The following MOB3B variants were observed in gnomAD, a reference collection of about 807,000 sequenced individuals.
MOB3B encodes MOB kinase activator 3B.
MOB3B carries 7 observed loss-of-function variants against 18.7 expected under a neutral mutation model. The ratio of observed to expected loss-of-function variants is 0.37; its 90% CI spans 0.21 to 0.70. The LOEUF (loss-of-function observed/expected upper bound fraction) is 0.70, where lower values mean the gene tolerates loss of function less well. Among genes scored for constraint, MOB3B ranks in the 30% least tolerant of loss-of-function variants. The probability of loss-of-function intolerance (pLI) is 0.52; values close to 1 mark genes in which losing one functional copy is unlikely to be tolerated. For missense variants in MOB3B, 253 were observed against 281.3 expected, an observed-to-expected ratio of 0.90 and a Z score of 0.72; for synonymous variants, 111 against 99.9, an observed-to-expected ratio of 1.11 and a Z score of -0.66.
chr9:27,379,738 G>A (rs1209150887), intron 2 of MOB3B, among the ~76,000 whole-genome samples: 1 of 152,138 alleles, frequency 6.6e-6, no homozygotes, highest in African/African-American at 2.4e-5. Context: ...CACCAGGAGA[G>A]TGAAACAGAC....
At chr9:27,376,983 C>G (rs894368329) in intron 2 of MOB3B, among the ~76,000 whole-genome samples, 1 of 152,202 alleles carries the variant, frequency 6.6e-6, no homozygotes, top group African/African-American at 2.4e-5. Context: ...ACTCAAGTCT[C>G]TCGTCTCCCA....
Position 27,455,622 on chromosome 9 carries a change from A to T in MOB3B, c.-72T>A, listed in dbSNP as rs1822857721. The T allele has an allele frequency of 6.2e-7, 1 of 1,600,246 alleles. No homozygotes were observed. Among genetic ancestry groups the T allele is most frequent in the South Asian group, 1.1e-5 (1 of 88,864 alleles). On this transcript the variant is annotated 5_prime_UTR_variant, in exon 2 of 4. Transcript: ENST00000262244. ...CTGGAACTTTTCAGGGAGAGATCAC[A>T]GCCCAACAGTGTTTTCCACTGCCAG...
rs75376246 is a variant in MOB3B, at chr9:27,346,025, A to C, written c.621+13009T>G. ...CATGCTGGAACCTAATGCCCAGTGTAATAGTATTAAGAGGTGGGGCCTTTT... is the reference window on the plus strand; with the variant it reads ...CATGCTGGAACCTAATGCCCAGTGTCATAGTATTAAGAGGTGGGGCCTTTT... On this transcript the variant is annotated intron_variant, in intron 3 of 3. Coordinates refer to ENST00000262244, the MANE Select transcript of MOB3B (RefSeq NM_024761.5). Among the ~76,000 whole-genome samples, 981 of 152,256 alleles carry C rather than the reference A, an allele frequency of 6.4e-3. 8 individuals are homozygous for C. The highest frequency in any genetic ancestry group is 0.023 in the African/African-American group (954 of 41,534).
chr9:27,370,152 G>GACTAATCA, intron 2 of MOB3B, among the ~76,000 whole-genome samples: 1 of 152,112 alleles, frequency 6.6e-6, no homozygotes, highest in African/African-American at 2.4e-5. Context: ...AGGAGGTGGG[G>GACTAATCA]CCTTTGGGAG....
intron 1 of MOB3B, among the ~76,000 whole-genome samples, chr9:27,528,602 G>C (rs1472334607): frequency 6.6e-6 from 1 of 152,256 alleles, no homozygotes; most frequent in Non-Finnish European, 1.5e-5. Context: ...AGCTGGCGTG[G>C]GGGCCGGGGA....
chr9:27,415,466 T>C (rs1438346987), intron 2 of MOB3B, among the ~76,000 whole-genome samples: 2 of 152,106 alleles, frequency 1.3e-5, no homozygotes, highest in Non-Finnish European at 2.9e-5. Flanking sequence ...TTTTCAATTA[T>C]AAAACATAAG....
intron 3 of MOB3B, among the ~76,000 whole-genome samples, chr9:27,341,590 T>C (rs1820942029): frequency 6.6e-6 from 1 of 152,160 alleles, no homozygotes; most frequent in South Asian, 2.1e-4. Flanking sequence ...ATGAGATCTC[T>C]TGCTAGAAGT....
chr9:27,385,389 G>T (rs1450225639), intron 2 of MOB3B, among the ~76,000 whole-genome samples: 3 of 152,174 alleles, frequency 2.0e-5, no homozygotes, highest in Non-Finnish European at 4.4e-5. Context: ...AACGGAGGAG[G>T]TAGGTCAGGA....
rs1448686111 is a variant in MOB3B, at chr9:27,325,849, G to A, written c.*4738C>T. 6.6e-6 allele frequency: 1 copy of A among 152,094 alleles called. No individual in the cohort carries two copies. The highest frequency in any genetic ancestry group is 1.5e-5 in the Non-Finnish European group (1 of 68,018). The allele number at this position is 152,094 out of a possible 1,614,324, so 9.4% of individuals were successfully genotyped here. A position where few individuals can be genotyped will look rare whatever the true frequency, so the allele number is the denominator to read the frequency against. On this transcript the variant is annotated 3_prime_UTR_variant, in exon 4 of 4. Transcript: ENST00000262244. The stretch of plus-strand genomic sequence containing the variant: ...TCATGGAGTATGGAAGGGACATAAG[G>A]TTTAGAGAACATAGGAAGCAATTTG...
chr9:27,481,311 T>C (rs1819645561), intron 1 of MOB3B, among the ~76,000 whole-genome samples: 1 of 152,146 alleles, frequency 6.6e-6, no homozygotes, highest in South Asian at 2.1e-4. Context: ...ATGCTCCAGC[T>C]AAAAGATGAT....
intron 1 of MOB3B, among the ~76,000 whole-genome samples, chr9:27,463,469 C>T (rs1262107455): frequency 6.6e-6 from 1 of 151,996 alleles, no homozygotes; most frequent in Admixed American, 6.6e-5. Flanking sequence ...CTGGGGTACA[C>T]CTAAGGGGGT....
chr9:27,375,081 C>A (rs943282548), intron 2 of MOB3B, among the ~76,000 whole-genome samples: 10 of 152,218 alleles, frequency 6.6e-5, no homozygotes, highest in African/African-American at 2.4e-4. Flanking sequence ...ATTGGGCCAT[C>A]CATCCCAGCT....
At chr9:27,381,654 T>C (rs988040285) in intron 2 of MOB3B, among the ~76,000 whole-genome samples, 4 of 152,160 alleles carry the variant, frequency 2.6e-5, no homozygotes, top group Non-Finnish European at 4.4e-5. Flanking sequence ...TAGAACTTTT[T>C]TTTCGTTTAA....
chr9:27,358,851 G>T (rs1488798746), intron 3 of MOB3B, 183 bp downstream of exon 3: 3 of 765,482 alleles, frequency 3.9e-6, no homozygotes, highest in Non-Finnish European at 7.1e-6. Flanking sequence ...ACACTTATTT[G>T]GTGACAGTGG....
chr9:27,427,391 C>T (rs978562946), intron 2 of MOB3B, among the ~76,000 whole-genome samples: 5 of 152,216 alleles, frequency 3.3e-5, no homozygotes, highest in African/African-American at 7.2e-5. Context: ...ATGTGGCTAA[C>T]GTCAAACATT....
At chr9:27,362,197 T>C (rs542566863) in intron 2 of MOB3B, among the ~76,000 whole-genome samples, 1 of 152,290 alleles carries the variant, frequency 6.6e-6, no homozygotes, top group Admixed American at 6.5e-5. Flanking sequence ...CTATCCATTT[T>C]GGGCTATGGC....
chr9:27,438,169 A>T (rs1822540680), intron 2 of MOB3B, among the ~76,000 whole-genome samples: 1 of 152,234 alleles, frequency 6.6e-6, no homozygotes, highest in African/African-American at 2.4e-5. Context: ...AAGGAAGGTC[A>T]TCGTCACCCT....
chr9:27,356,601 C>T (rs533148984), intron 3 of MOB3B, among the ~76,000 whole-genome samples: 51 of 152,292 alleles, frequency 3.3e-4, no homozygotes, highest in African/African-American at 1.2e-3. Context: ...TCAGCTCTGT[C>T]GTGGTGTTTC....
chr9:27,331,099 G>A (rs566445614), intron 3 of MOB3B, among the ~76,000 whole-genome samples: 125 of 152,234 alleles, frequency 8.2e-4, no homozygotes, highest in African/African-American at 2.9e-3. Context: ...TAAAGGATAA[G>A]TGGGTATAAG....
Sources: allele counts gnomAD v4.1 joint callset (sites outside exome capture counted in the v4.1 genomes callset), GRCh38; gene constraint gnomAD v4.1.1; transcripts MANE v1.5; gene names NCBI Gene and HGNC (gene_info 2026-07-23, HGNC 2026-07-21).